ARHGEF28: variants seen among roughly 807,000 people sequenced by gnomAD.
The protein encoded by ARHGEF28 is Rho guanine nucleotide exchange factor 28.
ARHGEF28 carries 152 observed loss-of-function variants against 206.6 expected under a neutral mutation model. The observed-to-expected ratio is 0.74, with a 90% confidence interval of 0.64 to 0.84. The LOEUF is 0.84. ARHGEF28 is among the 40% of genes least tolerant of loss of function. The pLI, the probability that ARHGEF28 is intolerant of heterozygous loss-of-function variation, is 0.00. For synonymous variants in ARHGEF28, 763 were observed against 776.4 expected, an observed-to-expected ratio of 0.98 and a Z score of 0.29; for missense variants, 2,028 against 2,073.2, an observed-to-expected ratio of 0.98 and a Z score of 0.42.
At chr5:73,846,905 T>G (rs1170439524) in intron 12 of ARHGEF28, among the ~76,000 whole-genome samples, 1 of 152,238 alleles carries the variant, frequency 6.6e-6, no homozygotes, top group African/African-American at 2.4e-5. Flanking sequence ...TGATATTTAT[T>G]GAGCATTTCT....
At position 73,894,391 on chromosome 5, in the gene ARHGEF28, A is replaced by G. The variant is rs1761832993; in HGVS notation, c.3659-2A>G. ...TCTTCTATGGTAAATACTATTTCAT[A>G]GAAATACTCACTAACCAAGACCAAC... On this transcript the variant is annotated splice_acceptor_variant, in intron 28 of 35. Transcript: ENST00000513042. LOFTEE classifies it high-confidence loss of function. The G allele has an allele frequency of 6.2e-7, 1 of 1,600,690 alleles. No homozygotes were observed. The highest frequency in any genetic ancestry group is 1.3e-5 in the African/African-American group (1 of 74,618).
chr5:73,904,196 A>G (rs1762425032), intron 31 of ARHGEF28, 26 bp from the exon 32 acceptor site: 2 of 1,611,300 alleles, frequency 1.2e-6, no homozygotes, highest in African/African-American at 1.3e-5. Context: ...ATGGTTATTC[A>G]TTTTCTTGTT....
intron 2 of ARHGEF28, among the ~76,000 whole-genome samples, chr5:73,742,133 C>G (rs2112378950): frequency 6.6e-6 from 1 of 152,092 alleles, no homozygotes; most frequent in South Asian, 2.1e-4. Flanking sequence ...TTTGTGCTAG[C>G]TTTTTCTTGG....
chr5:73,728,561 T>G (rs17552503), intron 2 of ARHGEF28, among the ~76,000 whole-genome samples: 27,840 of 152,138 alleles, frequency 0.18, 2,839 homozygotes, highest in Non-Finnish European at 0.23. Flanking sequence ...TTAAGACAAG[T>G]CGAAAGGTTA....
intron 9 of ARHGEF28, chr5:73,803,585 C>T: frequency 6.1e-6 from 1 of 163,294 alleles, no homozygotes; most frequent in Non-Finnish European, 1.4e-5. Flanking sequence ...ACTTGAAGAG[C>T]CTCTGAAGAA....
At chr5:73,805,901 A>C (rs971853809) in intron 9 of ARHGEF28, among the ~76,000 whole-genome samples, 2 of 152,028 alleles carry the variant, frequency 1.3e-5, no homozygotes, top group East Asian at 3.9e-4. Flanking sequence ...TATCTATCAT[A>C]TTTTATGTGA....
rs144808739 is a variant in ARHGEF28 at position 73,828,951 on chromosome 5, G to A, written c.1025-3387G>A. On this transcript the variant is annotated intron_variant, in intron 9 of 35. Transcript: ENST00000513042. Reference sequence around the variant, plus strand: ...TCCTCTCACTTCAGCTTCCTGAGTAGCTGGGACTACAGGTGTGCACCACCA... The same window carrying A: ...TCCTCTCACTTCAGCTTCCTGAGTAACTGGGACTACAGGTGTGCACCACCA... Among the ~76,000 whole-genome samples the A allele has an allele frequency of 7.5e-3, 1,147 of 152,220 alleles. 16 individuals carry two copies. The highest frequency in any genetic ancestry group is 0.029 in the East Asian group (151 of 5,164).
Position 73,873,110 on chromosome 5 carries a change from T to A in ARHGEF28, c.2678T>A (p.Ile893Asn). 6.2e-7 allele frequency: 1 copy of A among 1,612,992 alleles called. No homozygotes were observed. The highest frequency in any genetic ancestry group is 8.5e-7 in the Non-Finnish European group (1 of 1,179,516). The change falls in exon 22 of 36, where the codon ATT (isoleucine) becomes AAT (asparagine). Residue 893 changes from isoleucine to asparagine, a missense_variant. Around this residue, in one of 3 missense-constraint regions of ARHGEF28, gnomAD observed 223 missense variants for 289.9 expected, o/e 0.77. Transcript: ENST00000513042. ...LQLDHSTVDKIFPCLDELLEI... is the reference protein window; with the variant it reads ...LQLDHSTVDKNFPCLDELLEI... ...CTGGACCACAGCACCGTGGATAAAA[T>A]TTTCCCCTGTTTAGATGAGTTGCTT...
rs59149035 is a variant in ARHGEF28 at position 73,738,482 on chromosome 5, C to CGTGTGTGTGT, written c.34-11328_34-11319dup. Among the ~76,000 whole-genome samples the CGTGTGTGTGT allele has an allele frequency of 1.5e-3, 215 of 145,674 alleles. 1 individual carries two copies. Among genetic ancestry groups the CGTGTGTGTGT allele is most frequent in the African/African-American group, 5.1e-3 (200 of 39,202 alleles). On this transcript the variant is annotated intron_variant, in intron 2 of 35. Coordinates refer to ENST00000513042, the MANE Select transcript of ARHGEF28 (RefSeq NM_001177693.2). ...TAGCACTCTTATTTAAGAGTGGCCT[C>CGTGTGTGTGT]GTGTGTGTGTGTGTGTGTGTGTGTG...
chr5:73,844,643 T>G (rs1238003141), intron 11 of ARHGEF28, among the ~76,000 whole-genome samples: 1 of 137,160 alleles, frequency 7.3e-6, no homozygotes, highest in Non-Finnish European at 1.6e-5. Flanking sequence ...AGCCTATGTT[T>G]TTTTTTTTTT....
chr5:73,704,186 C>T (rs1026395482), intron 2 of ARHGEF28, among the ~76,000 whole-genome samples: 1 of 152,066 alleles, frequency 6.6e-6, no homozygotes, highest in African/African-American at 2.4e-5. Flanking sequence ...CTATGTTGTC[C>T]TCATGATGTT....
At chr5:73,825,044 A>G (rs542062832) in intron 9 of ARHGEF28, among the ~76,000 whole-genome samples, 1 of 152,304 alleles carries the variant, frequency 6.6e-6, no homozygotes, top group Non-Finnish European at 1.5e-5. Flanking sequence ...CTCTTCAGTG[A>G]ATATTCATTA....
intron 16 of ARHGEF28, among the ~76,000 whole-genome samples, chr5:73,860,734 C>T (rs921932885): frequency 7.9e-5 from 12 of 152,136 alleles, no homozygotes; most frequent in African/African-American, 2.9e-4. Flanking sequence ...TGTAAAACAC[C>T]ACTTTCATCA....
chr5:73,782,800 T>TA lies in ARHGEF28; in HGVS notation c.910+2056dup, dbSNP rs1194871805. ...CTGAGTGCCTGGCTCAGCTCACTTT[T>TA]ACTGCTGTACCTGTAGCCGATCAAG... On this transcript the variant is annotated intron_variant, in intron 7 of 35. Coordinates refer to ENST00000513042, the MANE Select transcript of ARHGEF28 (RefSeq NM_001177693.2). Among the ~76,000 whole-genome samples the TA allele has an allele frequency of 3.9e-5, 6 of 152,254 alleles. No homozygotes were observed. The East Asian group carries it at 7.7e-4, about 20-fold the overall frequency.
At chr5:73,811,563 A>G (rs1755838204) in intron 9 of ARHGEF28, among the ~76,000 whole-genome samples, 1 of 152,188 alleles carries the variant, frequency 6.6e-6, no homozygotes. Context: ...CTTCCACAAG[A>G]TTTGGTATAT....
intron 1 of ARHGEF28, among the ~76,000 whole-genome samples, chr5:73,648,697 C>A (rs962801494): frequency 6.6e-6 from 1 of 152,134 alleles, no homozygotes; most frequent in African/African-American, 2.4e-5. Flanking sequence ...CCTGGGCTGG[C>A]CCCTGAGATA....
chr5:73,894,488 G>A lies in ARHGEF28; in HGVS notation c.3754G>A (p.Val1252Ile), dbSNP rs571682255. ...ELGELSGFED[V>I]HLEPHLLIKP... Reference sequence around the variant, plus strand: ...TGGAGAACTGAGCGGATTTGAGGACGTCCATCTAGAGCCCCACCTCCTTAT... The same window carrying A: ...TGGAGAACTGAGCGGATTTGAGGACATCCATCTAGAGCCCCACCTCCTTAT... The change falls in exon 29 of 36, where the codon GTC becomes ATC. Residue 1252 changes from valine to isoleucine, a missense_variant. This residue lies in a region of ARHGEF28 where 803 missense variants were observed against 768.0 expected (regional missense o/e 1.05). Coordinates refer to ENST00000513042, the MANE Select transcript of ARHGEF28 (RefSeq NM_001177693.2). 110 of 1,613,926 alleles carry A rather than the reference G, an allele frequency of 6.8e-5. No individual in the cohort carries two copies. Among genetic ancestry groups the A allele is most frequent in the Admixed American group, 2.2e-4 (13 of 60,016 alleles).
chr5:73,653,040 T>C (rs1219802553), intron 1 of ARHGEF28, among the ~76,000 whole-genome samples: 1 of 152,240 alleles, frequency 6.6e-6, no homozygotes, highest in Non-Finnish European at 1.5e-5. Context: ...ATCAGCCTAA[T>C]GGTCTTGTAG....
rs1247439248 is a variant in ARHGEF28, at chr5:73,657,647, G to A, written c.-11-27194G>A. Among the ~76,000 whole-genome samples, 7 of 152,090 alleles carry A rather than the reference G, an allele frequency of 4.6e-5. No individual in the cohort carries two copies. The South Asian group carries it at 1.4e-3, about 32-fold the overall frequency. On this transcript the variant is annotated intron_variant, in intron 1 of 35. Transcript: ENST00000513042. Reference sequence around the variant, plus strand: ...CTGTAATTGTGAGTTAACCCCAAATGCATTACCAGTATGGAACCATTTTAT... The same window carrying A: ...CTGTAATTGTGAGTTAACCCCAAATACATTACCAGTATGGAACCATTTTAT...
Sources: allele counts gnomAD v4.1 joint callset (sites outside exome capture counted in the v4.1 genomes callset), GRCh38; gene constraint gnomAD v4.1.1; regional missense constraint gnomAD v4.1.1; transcripts MANE v1.5; gene names NCBI Gene and HGNC (gene_info 2026-07-23, HGNC 2026-07-21).